Variants in DLC1 observed in about 807,000 individuals in gnomAD.
DLC1 encodes DLC1 Rho GTPase activating protein.
Under a neutral mutation model 140.3 loss-of-function variants are expected in DLC1, and 54 were observed. That is an observed-to-expected ratio of 0.38 (90% CI 0.31 to 0.48). The LOEUF (loss-of-function observed/expected upper bound fraction) is 0.48, where lower values mean the gene tolerates loss of function less well. DLC1 is among the 20% of genes least tolerant of loss of function. DLC1 has a pLI of 0.96. For synonymous variants in DLC1, 986 were observed against 728.1 expected, an observed-to-expected ratio of 1.35 and a Z score of -5.70; for missense variants, 2,536 against 1,907.0, an observed-to-expected ratio of 1.33 and a Z score of -6.14.
At chr8:13,348,090 A>AAAACAAACAAAC (rs141062541) in intron 4 of DLC1, among the ~76,000 whole-genome samples, 1,981 of 106,800 alleles carry the variant, frequency 0.019, 26 homozygotes, top group African/African-American at 0.043. Context: ...CTCCATCTCA[A>AAAACAAACAAAC]AAACAAACAA....
At chr8:13,130,012 G>A (rs1285281652) in intron 5 of DLC1, among the ~76,000 whole-genome samples, 1 of 152,096 alleles carries the variant, frequency 6.6e-6, no homozygotes, top group Non-Finnish European at 1.5e-5. Flanking sequence ...ATCCTGTCCA[G>A]CACAAGGCTC....
At chr8:13,119,251 G>C (rs1394650602) in intron 5 of DLC1, among the ~76,000 whole-genome samples, 1 of 149,580 alleles carries the variant, frequency 6.7e-6, no homozygotes, top group Non-Finnish European at 1.5e-5. Flanking sequence ...AAAAAAATAG[G>C]TCTAAACACC....
At chr8:13,419,015 T>C (rs1237656682) in intron 2 of DLC1, among the ~76,000 whole-genome samples, 3 of 150,836 alleles carry the variant, frequency 2.0e-5, no homozygotes, top group Admixed American at 2.0e-4. Context: ...GCTCTCTGTT[T>C]GTCTGTTATT....
intron 5 of DLC1, among the ~76,000 whole-genome samples, chr8:13,250,511 C>T (rs1829956534): frequency 6.6e-6 from 1 of 152,174 alleles, no homozygotes; most frequent in African/African-American, 2.4e-5. Flanking sequence ...AAAGTACTTA[C>T]TTTAATCCAC....
chr8:13,337,466 T>G (rs1273320160), intron 4 of DLC1, among the ~76,000 whole-genome samples: 3 of 152,114 alleles, frequency 2.0e-5, no homozygotes, highest in Admixed American at 1.3e-4. Context: ...GAAATTTGTA[T>G]TTTGTGGTTA....
At chr8:13,395,851 TCTTTG>T in intron 3 of DLC1, among the ~76,000 whole-genome samples, 1 of 139,044 alleles carries the variant, frequency 7.2e-6, no homozygotes, top group African/African-American at 2.5e-5. Context: ...TTCTTCTTCT[TCTTTG>T]TTTTTTTGCA....
chr8:13,542,344 CA>C (rs1803512507), intron 1 of DLC1, among the ~76,000 whole-genome samples: 1 of 152,200 alleles, frequency 6.6e-6, no homozygotes, highest in Non-Finnish European at 1.5e-5. Flanking sequence ...ATTTTGCTGA[CA>C]TTAAATTGAC....
At chr8:13,551,873 T>C in intron 1 of DLC1, among the ~76,000 whole-genome samples, 1 of 134,346 alleles carries the variant, frequency 7.4e-6, no homozygotes, top group Middle Eastern at 4.4e-3. Context: ...TGTGTATATA[T>C]ATATATATAG....
At chr8:13,443,874 C>A (rs1563351283) in intron 2 of DLC1, among the ~76,000 whole-genome samples, 1 of 152,102 alleles carries the variant, frequency 6.6e-6, no homozygotes, top group East Asian at 1.9e-4. Flanking sequence ...ACAAACGTCA[C>A]ATGTTTGGCG....
intron 4 of DLC1, among the ~76,000 whole-genome samples, chr8:13,364,335 G>C (rs1479230534): frequency 7.0e-6 from 1 of 141,934 alleles, no homozygotes; most frequent in Non-Finnish European, 1.5e-5. Context: ...ATCTTGCTCT[G>C]TTGCACAGGT....
chr8:13,527,592 A>T (rs1222456611), intron 1 of DLC1, among the ~76,000 whole-genome samples: 1 of 152,072 alleles, frequency 6.6e-6, no homozygotes, highest in Non-Finnish European at 1.5e-5. Flanking sequence ...ATGGTTGGAG[A>T]ACCTACTATG....
intron 2 of DLC1, among the ~76,000 whole-genome samples, chr8:13,445,652 A>T (rs1292546487): frequency 6.6e-5 from 10 of 152,222 alleles, no homozygotes; most frequent in Admixed American, 5.9e-4. Flanking sequence ...GTGACTATAG[A>T]CTTAACTGAA....
intron 5 of DLC1, among the ~76,000 whole-genome samples, chr8:13,151,031 A>G (rs1479263148): frequency 6.6e-6 from 1 of 152,220 alleles, no homozygotes; most frequent in Non-Finnish European, 1.5e-5. Flanking sequence ...GTTGGGAGGT[A>G]ATAACTAGGA....
intron 5 of DLC1, among the ~76,000 whole-genome samples, chr8:13,265,198 C>A (rs1411334423): frequency 4.6e-5 from 7 of 152,168 alleles, no homozygotes; most frequent in African/African-American, 7.2e-5. Context: ...AAATTATGGT[C>A]TTTTATTAAT....
At chr8:13,164,270 C>T (rs1339911531) in intron 5 of DLC1, among the ~76,000 whole-genome samples, 1 of 148,778 alleles carries the variant, frequency 6.7e-6, no homozygotes, top group Non-Finnish European at 1.5e-5. Flanking sequence ...GCACTCAAAC[C>T]TGGGGGACAA....
Position 13,390,759 on chromosome 8 carries a change from G to A in DLC1, c.1314+2794C>T, listed in dbSNP as rs533707250. On this transcript the variant is annotated intron_variant, in intron 4 of 17. Transcript: ENST00000276297. ...TCCCAGCACTTTGGGAGGCCGAGGC[G>A]GGTGGATCATGAGGTTAGGAGATCA... Among the ~76,000 whole-genome samples the A allele has an allele frequency of 2.6e-5, 4 of 152,150 alleles. No individual in the cohort carries two copies. The South Asian group carries it at 6.2e-4, about 24-fold the overall frequency.
At chr8:13,541,723 G>A (rs772828097) in intron 1 of DLC1, among the ~76,000 whole-genome samples, 5 of 151,990 alleles carry the variant, frequency 3.3e-5, no homozygotes, top group African/African-American at 1.2e-4. Flanking sequence ...CTAATTTTTT[G>A]TATTTTTAGT....
At chr8:13,225,459 G>A (rs1325020357) in intron 5 of DLC1, among the ~76,000 whole-genome samples, 1 of 152,152 alleles carries the variant, frequency 6.6e-6, no homozygotes, top group East Asian at 1.9e-4. Context: ...TGACCTCACA[G>A]CTGGTTAGAA....
chr8:13,188,805 A>ATATATATATATATATATATATG (rs1563149545), intron 5 of DLC1, among the ~76,000 whole-genome samples: 5 of 38,002 alleles, frequency 1.3e-4, no homozygotes, highest in Non-Finnish European at 2.5e-4. Context: ...GTGTGTGTAT[A>ATATATATATATATATATATATG]TATATATATA....
Sources: gnomAD v4.1 joint callset for allele counts (sites outside exome capture counted in the v4.1 genomes callset) on GRCh38, gnomAD v4.1.1 for gene constraint, MANE v1.5 for transcripts, NCBI Gene and HGNC (gene_info 2026-07-23, HGNC 2026-07-21) for gene names.